The following GPC3 variants were observed in gnomAD, a reference collection of about 807,000 sequenced individuals.
GPC3 encodes glypican-3.
A neutral mutation model predicts 34.4 loss-of-function variants in GPC3; 3 were observed. That is an observed-to-expected ratio of 0.09 (90% CI 0.04 to 0.23). The LOEUF (loss-of-function observed/expected upper bound fraction) is 0.23. GPC3 is among the 10% of genes least tolerant of loss of function. GPC3 has a pLI of 1.00. For synonymous variants in GPC3, 177 were observed against 174.0 expected, an observed-to-expected ratio of 1.02 and a Z score of -0.13; for missense variants, 351 against 445.6, an observed-to-expected ratio of 0.79 and a Z score of 1.91.
chrX:133,592,684 T>C (rs774775572), intron 7 of GPC3, among the ~76,000 whole-genome samples: 1 of 111,018 alleles, frequency 9.0e-6, no homozygotes, highest in Admixed American at 9.5e-5. Flanking sequence ...GAGGTAACTA[T>C]GGACTGAGAT....
chrX:133,642,179 T>C (rs1334434465), intron 6 of GPC3, among the ~76,000 whole-genome samples: 5 of 111,523 alleles, frequency 4.5e-5, no homozygotes, highest in Admixed American at 9.5e-5. Flanking sequence ...TCTTCTCCCA[T>C]TGAAAGCTGA....
intron 3 of GPC3, among the ~76,000 whole-genome samples, chrX:133,706,021 T>C (rs751422093): frequency 2.7e-5 from 3 of 111,802 alleles, no homozygotes; most frequent in Non-Finnish European, 5.6e-5. Flanking sequence ...ATTCAGATTA[T>C]TGGGTTGGCT....
rs2071477948 is a variant in GPC3, at chrX:133,733,087, G to T, written c.1032+20395C>A. On this transcript the variant is annotated intron_variant, in intron 3 of 7. Transcript: ENST00000370818. Reference sequence around the variant, plus strand: ...ATGTTGCCCAGGTTGGTCTCAACCTGAGTATACTACTCAGCCATTGAAAGG... The same window carrying T: ...ATGTTGCCCAGGTTGGTCTCAACCTTAGTATACTACTCAGCCATTGAAAGG... Among the ~76,000 whole-genome samples, 8 of 110,846 alleles carry T rather than the reference G, an allele frequency of 7.2e-5. No homozygotes were observed. In the South Asian group the frequency reaches 2.7e-3, roughly 38 times the overall value.
intron 2 of GPC3, among the ~76,000 whole-genome samples, chrX:133,797,017 C>T (rs2075585351): frequency 9.0e-6 from 1 of 110,863 alleles, no homozygotes; most frequent in Non-Finnish European, 1.9e-5. Flanking sequence ...TTTGGAATTC[C>T]TTGTGATTTA....
At chrX:133,595,794 C>T (rs1008692119) in intron 7 of GPC3, among the ~76,000 whole-genome samples, 1 of 111,642 alleles carries the variant, frequency 9.0e-6, no homozygotes, top group Non-Finnish European at 1.9e-5. Context: ...CGATTACAAG[C>T]ATGAACAACC....
At chrX:133,910,546 T>G (rs1029737142) in intron 2 of GPC3, among the ~76,000 whole-genome samples, 9 of 112,097 alleles carry the variant, frequency 8.0e-5, no homozygotes, top group Admixed American at 3.8e-4. Context: ...ATCTTCATAG[T>G]TCCTTCTCAA....
intron 2 of GPC3, among the ~76,000 whole-genome samples, chrX:133,900,914 T>C (rs1192557864): frequency 8.9e-6 from 1 of 111,995 alleles, no homozygotes; most frequent in Admixed American, 9.5e-5. Flanking sequence ...GTAGAATTTA[T>C]TTTTAAAAGT....
rs756217024 is a variant in GPC3, at chrX:133,772,250, G to T, written c.338-18074C>A. ...TTAAGCTAAGGGGTTATATGGGTCAGCTTACACACTGGCTTGCAAATCAGT... is the reference window on the plus strand; with the variant it reads ...TTAAGCTAAGGGGTTATATGGGTCATCTTACACACTGGCTTGCAAATCAGT... On this transcript the variant is annotated intron_variant, in intron 2 of 7. Coordinates refer to ENST00000370818, the MANE Select transcript of GPC3 (RefSeq NM_004484.4). Among the ~76,000 whole-genome samples the T allele has an allele frequency of 2.7e-5, 3 of 111,763 alleles. No individual in the cohort carries two copies. In the South Asian group the frequency reaches 1.1e-3, roughly 43 times the overall value.
intron 7 of GPC3, among the ~76,000 whole-genome samples, chrX:133,542,771 A>G (rs2069352932): frequency 9.0e-6 from 1 of 111,641 alleles, no homozygotes. Flanking sequence ...AGCTGGGGGA[A>G]ATCTCTGGAG....
intron 2 of GPC3, among the ~76,000 whole-genome samples, chrX:133,832,111 A>G (rs933346646): frequency 7.3e-5 from 8 of 109,797 alleles, no homozygotes; most frequent in Non-Finnish European, 1.3e-4. Context: ...AAAACCCCAT[A>G]TCTACTAAAA....
intron 3 of GPC3, among the ~76,000 whole-genome samples, chrX:133,743,521 G>A (rs1337622439): frequency 8.9e-6 from 1 of 112,406 alleles, no homozygotes; most frequent in African/African-American, 3.2e-5. Flanking sequence ...TACTTGTGGT[G>A]CCATTGTGAG....
Position 133,879,857 on chromosome X carries a change from T to G in GPC3, c.337+73193A>C, listed in dbSNP as rs1191061964. On this transcript the variant is annotated intron_variant, in intron 2 of 7. Coordinates refer to ENST00000370818, the MANE Select transcript of GPC3 (RefSeq NM_004484.4). ...ATTAAAACCCTTATTAGTTTTTGAA[T>G]CAGCTATTGCTACCTTGCTTCACTG... 2.7e-5 allele frequency among the ~76,000 whole-genome samples: 3 copies of G among 111,730 alleles called. No homozygotes were observed. The Admixed American group carries it at 2.9e-4, about 11-fold the overall frequency.
At chrX:133,810,769 T>C (rs1341649497) in intron 2 of GPC3, among the ~76,000 whole-genome samples, 2 of 106,635 alleles carry the variant, frequency 1.9e-5, no homozygotes, top group African/African-American at 6.8e-5. Context: ...GCCGGGCATA[T>C]TGGCGGGCGC....
At chrX:133,811,431 T>TTTTTG (rs1306161967) in intron 2 of GPC3, among the ~76,000 whole-genome samples, 1 of 111,775 alleles carries the variant, frequency 8.9e-6, no homozygotes, top group African/African-American at 3.3e-5. Flanking sequence ...GTTTTTTGTT[T>TTTTTG]TTTTGTTTTG....
intron 2 of GPC3, among the ~76,000 whole-genome samples, chrX:133,803,891 C>T (rs2075622500): frequency 9.1e-6 from 1 of 109,575 alleles, no homozygotes; most frequent in African/African-American, 3.3e-5. Flanking sequence ...TAAAATTAGC[C>T]CAGCACTCTG....
intron 3 of GPC3, 62 bp downstream of exon 3, chrX:133,753,420 G>T: frequency 2.2e-6 from 2 of 889,615 alleles, no homozygotes; most frequent in African/African-American, 1.9e-5. Flanking sequence ...ATCAGTACCT[G>T]CTACTGGCCA....
intron 2 of GPC3, among the ~76,000 whole-genome samples, chrX:133,776,778 C>T (rs1235602599): frequency 1.8e-5 from 2 of 111,008 alleles, no homozygotes; most frequent in African/African-American, 6.5e-5. Flanking sequence ...AGAGACACTT[C>T]TGTTCCAATC....
chrX:133,635,300 G>T (rs995040155), intron 6 of GPC3, among the ~76,000 whole-genome samples: 3 of 111,302 alleles, frequency 2.7e-5, no homozygotes, highest in Admixed American at 1.9e-4. Flanking sequence ...GGACCAGAAG[G>T]AGAGCACTTA....
At chrX:133,628,128 C>T (rs1023445153) in intron 6 of GPC3, among the ~76,000 whole-genome samples, 3 of 111,822 alleles carry the variant, frequency 2.7e-5, no homozygotes, top group Non-Finnish European at 5.6e-5. Context: ...ATTCAGAGGT[C>T]GTTGTTTAGC....
Sources: allele counts gnomAD v4.1 joint callset (sites outside exome capture counted in the v4.1 genomes callset), GRCh38; gene constraint gnomAD v4.1.1; transcripts MANE v1.5; gene names NCBI Gene and HGNC (gene_info 2026-07-23, HGNC 2026-07-21).